Variants in CDH13 observed in about 807,000 individuals in gnomAD.
The protein encoded by CDH13 is cadherin-13.
Under a neutral mutation model 63.8 loss-of-function variants are expected in CDH13, and 24 were observed. That is an observed-to-expected ratio of 0.38 (90% confidence interval 0.27 to 0.53). CDH13 has a LOEUF of 0.53. Among genes scored for constraint, CDH13 ranks in the 20% least tolerant of loss-of-function variants. The pLI is 0.85. For missense variants in CDH13, 1,049 were observed against 903.1 expected (o/e 1.16, Z -2.07); for synonymous variants, 503 against 355.3 (o/e 1.42, Z -4.67).
chr16:82,973,303 T>A (rs1909034945), intron 2 of CDH13, among the ~76,000 whole-genome samples: 1 of 152,238 alleles, frequency 6.6e-6, no homozygotes. Context: ...CCTTCTCCTT[T>A]GCTCACCTGC....
chr16:83,284,779 A>G (rs74935403), intron 5 of CDH13, among the ~76,000 whole-genome samples: 11,671 of 152,226 alleles, frequency 0.077, 565 homozygotes, highest in Middle Eastern at 0.14. Flanking sequence ...TGTTAATATA[A>G]TACAAAATAC....
At chr16:82,697,687 TA>T (rs1366648852) in intron 1 of CDH13, among the ~76,000 whole-genome samples, 1 of 151,574 alleles carries the variant, frequency 6.6e-6, no homozygotes, top group Admixed American at 6.6e-5. Context: ...CTCGGCCTCC[TA>T]AAGTGCTGGG....
At chr16:83,309,409 T>C (rs185554120) in intron 5 of CDH13, among the ~76,000 whole-genome samples, 28 of 152,104 alleles carry the variant, frequency 1.8e-4, no homozygotes, top group African/African-American at 5.5e-4. Flanking sequence ...AGAATCTTAC[T>C]CTGTCACCCA....
At chr16:82,806,184 C>G (rs1263844983) in intron 1 of CDH13, among the ~76,000 whole-genome samples, 1 of 152,322 alleles carries the variant, frequency 6.6e-6, no homozygotes, top group Admixed American at 6.5e-5. Context: ...TGCTTCCTTG[C>G]TGAACTGGGC....
intron 5 of CDH13, among the ~76,000 whole-genome samples, chr16:83,293,319 A>G (rs2089508233): frequency 6.6e-6 from 1 of 152,200 alleles, no homozygotes; most frequent in Non-Finnish European, 1.5e-5. Context: ...AGTCACAGAC[A>G]TGTAACCTTC....
chr16:83,007,108 G>T (rs534051281), intron 2 of CDH13, among the ~76,000 whole-genome samples: 3 of 152,104 alleles, frequency 2.0e-5, no homozygotes, highest in African/African-American at 7.2e-5. Context: ...TTGTGGTAGA[G>T]ACGGGGTTTC....
rs765834816 is a variant in CDH13, at chr16:83,032,047, C to G, written c.195C>G (p.Arg65=). Reference sequence around the variant, plus strand: ...ACTGTAAGGGAAACGACAAGCTACGCTATGAGGTCTCGAGCCCATACTTCA... The same window carrying G: ...ACTGTAAGGGAAACGACAAGCTACGGTATGAGGTCTCGAGCCCATACTTCA... ...FSDCKGNDKL[R]YEVSSPYFKV... The change falls in exon 3 of 14, where the codon CGC becomes CGG. Residue 65 remains arginine, a synonymous_variant. Transcript: ENST00000567109. 6.2e-7 allele frequency: 1 copy of G among 1,606,824 alleles called. No homozygotes were observed. Among genetic ancestry groups the G allele is most frequent in the Non-Finnish European group, 8.5e-7 (1 of 1,176,830 alleles).
chr16:83,349,394 G>A (rs912938391), intron 6 of CDH13, among the ~76,000 whole-genome samples: 1 of 152,118 alleles, frequency 6.6e-6, no homozygotes, highest in African/African-American at 2.4e-5. Flanking sequence ...ATTCATGGGT[G>A]TTTTGCCCTC....
intron 8 of CDH13, among the ~76,000 whole-genome samples, chr16:83,629,429 T>A (rs1910590120): frequency 6.6e-6 from 1 of 152,228 alleles, no homozygotes; most frequent in South Asian, 2.1e-4. Flanking sequence ...AAGCACTGGC[T>A]ACATTACAAA....
intron 7 of CDH13, among the ~76,000 whole-genome samples, chr16:83,591,782 C>T (rs1199872749): frequency 6.6e-6 from 1 of 152,228 alleles, no homozygotes; most frequent in East Asian, 1.9e-4. Flanking sequence ...TATCTTTTAT[C>T]TTCACCCAAG....
At chr16:83,311,822 C>A (rs1329173882) in intron 5 of CDH13, among the ~76,000 whole-genome samples, 1 of 152,178 alleles carries the variant, frequency 6.6e-6, no homozygotes, top group Admixed American at 6.5e-5. Flanking sequence ...CGCCTGTAAT[C>A]CCAGCACTTT....
chr16:82,849,605 C>G (rs1354482782), intron 1 of CDH13, among the ~76,000 whole-genome samples: 1 of 152,122 alleles, frequency 6.6e-6, no homozygotes, highest in Non-Finnish European at 1.5e-5. Context: ...TTGATGAAGG[C>G]GGATACATTA....
At chr16:83,696,344 C>T (rs1227680227) in intron 10 of CDH13, among the ~76,000 whole-genome samples, 1 of 152,198 alleles carries the variant, frequency 6.6e-6, no homozygotes, top group Non-Finnish European at 1.5e-5. Flanking sequence ...TCTTCATGTG[C>T]AGCGGGCCCA....
chr16:83,172,592 G>A (rs1351684516), intron 4 of CDH13, among the ~76,000 whole-genome samples: 1 of 151,190 alleles, frequency 6.6e-6, no homozygotes, highest in Non-Finnish European at 1.5e-5. Flanking sequence ...CAAACAACAA[G>A]AAAAATCCAT....
intron 6 of CDH13, among the ~76,000 whole-genome samples, chr16:83,418,872 G>A (rs2071630076): frequency 6.6e-6 from 1 of 152,096 alleles, no homozygotes; most frequent in African/African-American, 2.4e-5. Context: ...TTCCTTCTTT[G>A]GGGAGTTGCA....
At chr16:82,920,540 A>G (rs2042122426) in intron 2 of CDH13, among the ~76,000 whole-genome samples, 2 of 152,226 alleles carry the variant, frequency 1.3e-5, no homozygotes, top group South Asian at 4.1e-4. Flanking sequence ...CCATCTGTAA[A>G]CAGACTGAGA....
intron 1 of CDH13, among the ~76,000 whole-genome samples, chr16:82,812,939 GCTT>G (rs2037520216): frequency 6.6e-6 from 1 of 152,036 alleles, no homozygotes; most frequent in Non-Finnish European, 1.5e-5. Context: ...ATGGCATAAA[GCTT>G]CTGAGAAGGT....
intron 4 of CDH13, among the ~76,000 whole-genome samples, chr16:83,165,534 A>G (rs1391925440): frequency 6.6e-6 from 1 of 152,066 alleles, no homozygotes; most frequent in African/African-American, 2.4e-5. Context: ...GTGCTGAGGA[A>G]GGTGGTTGGT....
chr16:82,816,829 A>C (rs573444292), intron 1 of CDH13, among the ~76,000 whole-genome samples: 1 of 149,968 alleles, frequency 6.7e-6, no homozygotes, highest in Non-Finnish European at 1.5e-5. Context: ...GGGGGGAATG[A>C]CTCATCATCT....
Sources: gnomAD v4.1 joint callset for allele counts (sites outside exome capture counted in the v4.1 genomes callset) on GRCh38, gnomAD v4.1.1 for gene constraint, MANE v1.5 for transcripts, NCBI Gene and HGNC (gene_info 2026-07-23, HGNC 2026-07-21) for gene names.